EYS: variants seen among roughly 807,000 people sequenced by gnomAD.
EYS encodes the protein EGF-like photoreceptor maintenance factor.
In EYS, 250 loss-of-function variants were observed where a neutral mutation model predicts 282.1. That is an observed-to-expected ratio of 0.89 (90% CI 0.80 to 0.98). The LOEUF (loss-of-function observed/expected upper bound fraction) is 0.98. Ranked by LOEUF, EYS falls within the 50% of genes least tolerant of loss-of-function variation. EYS has a pLI of 0.00. For missense variants in EYS, 4,016 were observed against 3,709.0 expected, an observed-to-expected ratio of 1.08 and a Z score of -2.15; for synonymous variants, 1,355 against 1,282.9, an observed-to-expected ratio of 1.06 and a Z score of -1.20.
intron 26 of EYS, among the ~76,000 whole-genome samples, chr6:64,484,486 C>T (rs1004880265): frequency 2.6e-5 from 4 of 151,502 alleles, no homozygotes; most frequent in Non-Finnish European, 1.5e-5. Context: ...GCTTGGTTGG[C>T]CTTAGGTATA....
chr6:64,610,814 A>G (rs371642272), intron 24 of EYS, among the ~76,000 whole-genome samples: 1 of 152,148 alleles, frequency 6.6e-6, no homozygotes, highest in African/African-American at 2.4e-5. Flanking sequence ...TTCATTATAC[A>G]TTATACTTAT....
At chr6:63,906,005 G>T (rs1031968976) in intron 35 of EYS, among the ~76,000 whole-genome samples, 1 of 152,156 alleles carries the variant, frequency 6.6e-6, no homozygotes, top group Non-Finnish European at 1.5e-5. Context: ...AAGCTCATTT[G>T]AATGTCTGCT....
In EYS at chr6:65,407,744, CGTGTGTGTGTGTGT is replaced by C. The variant is rs71002305; in HGVS notation, c.863-2391_863-2378del. ...CTGCTTTCCTTTCAACTAATAAGTC[CGTGTGTGTGTGTGT>C]GTGTGTGTGTGTGTGTGTGTGTGTG... On this transcript the variant is annotated intron_variant, in intron 5 of 42. Coordinates refer to ENST00000503581, the MANE Select transcript of EYS (RefSeq NM_001142800.2). Among the ~76,000 whole-genome samples, 80 of 144,214 alleles carry C rather than the reference CGTGTGTGTGTGTGT, an allele frequency of 5.5e-4. No individual in the cohort carries two copies. The Middle Eastern group carries it at 0.011, about 19-fold the overall frequency. 94.6% of individuals were successfully genotyped at this position (144,214 alleles called of 152,430 possible). A position where few individuals can be genotyped will look rare whatever the true frequency, so the allele number is the denominator to read the frequency against.
chr6:63,768,690 C>T (rs553151198), intron 40 of EYS, among the ~76,000 whole-genome samples: 10 of 151,800 alleles, frequency 6.6e-5, no homozygotes, highest in South Asian at 4.2e-4. Flanking sequence ...GAACTTAGAA[C>T]GACCATTCAA....
chr6:64,533,191 A>T (rs1764407573), intron 26 of EYS, among the ~76,000 whole-genome samples: 2 of 152,200 alleles, frequency 1.3e-5, no homozygotes, highest in Non-Finnish European at 2.9e-5. Context: ...ATTTAAAAAG[A>T]TCAGAGCATA....
chr6:64,310,482 G>A (rs1373092122), intron 29 of EYS, among the ~76,000 whole-genome samples: 20 of 152,096 alleles, frequency 1.3e-4, no homozygotes, highest in Admixed American at 8.5e-4. Context: ...TACAGAAAAA[G>A]AAAATCAAAT....
At chr6:64,359,975 T>C (rs553501941) in intron 29 of EYS, among the ~76,000 whole-genome samples, 39 of 151,668 alleles carry the variant, frequency 2.6e-4, no homozygotes, top group Admixed American at 5.3e-4. Context: ...ATTTGGAAAA[T>C]TGTAACTCTC....
At chr6:65,297,385 C>T (rs180730789) in intron 11 of EYS, among the ~76,000 whole-genome samples, 38 of 151,824 alleles carry the variant, frequency 2.5e-4, no homozygotes, top group African/African-American at 8.2e-4. Flanking sequence ...CTGTATATGA[C>T]GGTAAGCGTT....
intron 12 of EYS, among the ~76,000 whole-genome samples, chr6:65,142,759 A>G (rs1244649975): frequency 6.6e-6 from 1 of 151,968 alleles, no homozygotes; most frequent in Non-Finnish European, 1.5e-5. Context: ...ATATTTCAGA[A>G]TGTTGCCAAG....
chr6:64,507,562 A>G (rs111776153), intron 26 of EYS, among the ~76,000 whole-genome samples: 4 of 152,218 alleles, frequency 2.6e-5, no homozygotes, highest in East Asian at 1.9e-4. Flanking sequence ...GACAACCATA[A>G]TAAGAGACTG....
intron 33 of EYS, among the ~76,000 whole-genome samples, chr6:64,011,092 T>C (rs1030131987): frequency 5.9e-5 from 9 of 152,188 alleles, no homozygotes; most frequent in Admixed American, 1.3e-4. Flanking sequence ...AGATAAGCTT[T>C]TCTATTTCTA....
chr6:64,850,766 G>T (rs979776999), intron 19 of EYS, among the ~76,000 whole-genome samples: 1 of 152,034 alleles, frequency 6.6e-6, no homozygotes. Flanking sequence ...CTATGCAGAT[G>T]AAGGTAAATT....
At chr6:63,838,386 G>A (rs750327339) in intron 36 of EYS, among the ~76,000 whole-genome samples, 1 of 152,138 alleles carries the variant, frequency 6.6e-6, no homozygotes, top group East Asian at 1.9e-4. Flanking sequence ...AGCCAAAGAT[G>A]CTAAAGGCTT....
intron 33 of EYS, among the ~76,000 whole-genome samples, chr6:64,035,534 G>T (rs769023759): frequency 6.6e-6 from 1 of 152,110 alleles, no homozygotes; most frequent in Non-Finnish European, 1.5e-5. Flanking sequence ...TGAAGCCTAG[G>T]TTATGTTTAG....
rs529984618 is a variant in EYS, at chr6:64,230,513, T to C, written c.6424+79A>G. Reference sequence around the variant, plus strand: ...TTGTGCTAGTACCCATCACTAAGTTTACAATACATTTCAACTCCTGTCCAT... The same window carrying C: ...TTGTGCTAGTACCCATCACTAAGTTCACAATACATTTCAACTCCTGTCCAT... On this transcript the variant is annotated intron_variant, in intron 31 of 42. Coordinates refer to ENST00000503581, the MANE Select transcript of EYS (RefSeq NM_001142800.2). 5 of 985,870 alleles carry C rather than the reference T, an allele frequency of 5.1e-6. No homozygotes were observed. The African/African-American group carries it at 8.1e-5, about 16-fold the overall frequency. The allele number at this position is 985,870 out of a possible 1,614,324, so 61.1% of individuals were successfully genotyped here.
At chr6:64,837,192 TA>T (rs1445815633) in intron 19 of EYS, among the ~76,000 whole-genome samples, 1 of 116,456 alleles carries the variant, frequency 8.6e-6, no homozygotes, top group Non-Finnish European at 2.0e-5. Context: ...TTCCATTTTT[TA>T]TCTTGTACAT....
chr6:65,400,008 T>C (rs1341817780), intron 7 of EYS, among the ~76,000 whole-genome samples: 1 of 152,038 alleles, frequency 6.6e-6, no homozygotes, highest in Non-Finnish European at 1.5e-5. Flanking sequence ...GGAGTTTCAG[T>C]GTTAATCTTA....
At chr6:64,480,118 A>ACT (rs1323155239) in intron 26 of EYS, among the ~76,000 whole-genome samples, 1 of 151,552 alleles carries the variant, frequency 6.6e-6, no homozygotes, top group Non-Finnish European at 1.5e-5. Flanking sequence ...TATTTCATTC[A>ACT]CTCTCTCCAG....
intron 14 of EYS, among the ~76,000 whole-genome samples, chr6:64,965,168 T>C (rs1000085936): frequency 2.6e-5 from 4 of 152,172 alleles, no homozygotes; most frequent in African/African-American, 9.7e-5. Context: ...TGTAGTCTTT[T>C]TTGGATACCA....
Sources: allele counts gnomAD v4.1 joint callset (sites outside exome capture counted in the v4.1 genomes callset), GRCh38; gene constraint gnomAD v4.1.1; transcripts MANE v1.5; gene names NCBI Gene and HGNC (gene_info 2026-07-23, HGNC 2026-07-21).